Variants in MBNL2 observed in about 807,000 individuals in gnomAD.
The protein encoded by MBNL2 is muscleblind-like protein 2.
Under a neutral mutation model 41.9 loss-of-function variants are expected in MBNL2, and 17 were observed. The ratio of observed to expected loss-of-function variants is 0.41; its 90% CI spans 0.28 to 0.61. The LOEUF (loss-of-function observed/expected upper bound fraction) is 0.61. Among genes scored for constraint, MBNL2 ranks in the 20% least tolerant of loss-of-function variants. The pLI, the probability that MBNL2 is intolerant of heterozygous loss-of-function variation, is 0.35. For missense variants in MBNL2, 336 were observed against 505.6 expected, an observed-to-expected ratio of 0.66 and a Z score of 3.22; for synonymous variants, 195 against 182.9, an observed-to-expected ratio of 1.07 and a Z score of -0.53.
chr13:97,284,634 T>G (rs57959870), intron 2 of MBNL2, among the ~76,000 whole-genome samples: 4,731 of 152,274 alleles, frequency 0.031, 229 homozygotes, highest in African/African-American at 0.11. Context: ...ATTCAACCCA[T>G]TAATATAATA....
intron 1 of MBNL2, among the ~76,000 whole-genome samples, chr13:97,253,683 C>A (rs183816752): frequency 6.6e-5 from 10 of 152,136 alleles, no homozygotes; most frequent in African/African-American, 9.6e-5. Context: ...ATAAAAAATT[C>A]TTTAGTTAAT....
intron 1 of MBNL2, among the ~76,000 whole-genome samples, chr13:97,249,118 G>A (rs1044571888): frequency 3.3e-5 from 5 of 152,186 alleles, no homozygotes; most frequent in Non-Finnish European, 7.3e-5. Context: ...TTGGACAGCA[G>A]ACTGTGATAT....
intron 1 of MBNL2, among the ~76,000 whole-genome samples, chr13:97,249,860 T>C (rs1487901773): frequency 1.3e-5 from 2 of 152,258 alleles, no homozygotes; most frequent in Non-Finnish European, 2.9e-5. Context: ...TTTGCTGTTT[T>C]ATGCTGCAAA....
the MBNL2 span, among the ~76,000 whole-genome samples, chr13:97,160,635 T>C: frequency 6.6e-6 from 1 of 152,136 alleles, no homozygotes; most frequent in Non-Finnish European, 1.5e-5. Context: ...TTCAGTTACA[T>C]GGCTACTCAT....
the MBNL2 span, among the ~76,000 whole-genome samples, chr13:97,142,133 T>C: frequency 5.2e-4 from 79 of 152,336 alleles, no homozygotes; most frequent in South Asian, 3.9e-3. Flanking sequence ...GGTTTCTCTA[T>C]CAATTAAATT....
At chr13:97,348,912 G>GGGATA (rs1170149654) in intron 5 of MBNL2, among the ~76,000 whole-genome samples, 4 of 152,188 alleles carry the variant, frequency 2.6e-5, no homozygotes, top group African/African-American at 9.7e-5. Flanking sequence ...ATCAGTGATA[G>GGGATA]GGATACAGCG....
In MBNL2 at chr13:97,238,629, G is replaced by A. The variant is rs185981614; in HGVS notation, c.-605+16098G>A. Among the ~76,000 whole-genome samples, 244 of 152,302 alleles carry A rather than the reference G, an allele frequency of 1.6e-3. 2 individuals carry two copies. Among genetic ancestry groups the A allele is most frequent in the Middle Eastern group, 6.8e-3 (2 of 294 alleles). ...AAGTCCCTTTTTGGAAGAGTGCTGCGTGGGCTGCTGAACTGCAAGGCACCA... is the reference window on the plus strand; with the variant it reads ...AAGTCCCTTTTTGGAAGAGTGCTGCATGGGCTGCTGAACTGCAAGGCACCA... On this transcript the variant is annotated intron_variant, in intron 1 of 8. Transcript: ENST00000679496.
At chr13:97,238,268 C>A (rs997327966) in intron 1 of MBNL2, among the ~76,000 whole-genome samples, 1 of 152,120 alleles carries the variant, frequency 6.6e-6, no homozygotes, top group Non-Finnish European at 1.5e-5. Flanking sequence ...AAATGGTAGA[C>A]GACACAGGCT....
At chr13:97,159,043 A>T in the MBNL2 span, among the ~76,000 whole-genome samples, 1 of 151,408 alleles carries the variant, frequency 6.6e-6, no homozygotes, top group African/African-American at 2.4e-5. Flanking sequence ...GTCTCTTTGT[A>T]GGTCACTCAG....
the MBNL2 span, among the ~76,000 whole-genome samples, chr13:97,212,401 GA>G: frequency 6.6e-6 from 1 of 152,094 alleles, no homozygotes; most frequent in Non-Finnish European, 1.5e-5. Context: ...CCCCACAGTA[GA>G]AGCCACAGCT....
In MBNL2 at chr13:97,357,529, T is replaced by C; in HGVS notation, c.906T>C (p.Leu302=). 1 of 1,614,090 alleles carries C rather than the reference T, an allele frequency of 6.2e-7. No individual in the cohort carries two copies. Among genetic ancestry groups the C allele is most frequent in the Non-Finnish European group, 8.5e-7 (1 of 1,179,986 alleles). The change falls in exon 7 of 9, where the codon CTT becomes CTC. Residue 302 remains leucine, a synonymous_variant. Transcript: ENST00000679496. ...ATCCTTTACCAAAGAGACAAGCACTTGAAAAAAGCAATGGTACCAGCGCGG... is the reference window on the plus strand; with the variant it reads ...ATCCTTTACCAAAGAGACAAGCACTCGAAAAAAGCAATGGTACCAGCGCGG... The part of the protein sequence containing the change: ...ALHPLPKRQA[L]EKSNGTSAVF...
At chr13:97,351,339 C>T (rs1352593338) in intron 5 of MBNL2, among the ~76,000 whole-genome samples, 1 of 152,190 alleles carries the variant, frequency 6.6e-6, no homozygotes, top group Non-Finnish European at 1.5e-5. Context: ...CTAGAATTTT[C>T]AGAATGGTAA....
chr13:97,234,666 A>G lies in MBNL2; in HGVS notation c.-605+12135A>G, dbSNP rs2042957849. Among the ~76,000 whole-genome samples, 3 of 152,226 alleles carry G rather than the reference A, an allele frequency of 2.0e-5. No individual in the cohort carries two copies. In the South Asian group the frequency reaches 6.2e-4, roughly 32 times the overall value. On this transcript the variant is annotated intron_variant, in intron 1 of 8. Transcript: ENST00000679496. ...ACACTGGCTTGCAAAATTACCCACA[A>G]GGACAATAGACTGATGGATCGAGAT...
chr13:97,151,916 A>G, the MBNL2 span, among the ~76,000 whole-genome samples: 5 of 152,216 alleles, frequency 3.3e-5, no homozygotes, highest in African/African-American at 1.2e-4. Context: ...AGTATATTTC[A>G]TCTAACAACA....
At chr13:97,211,398 C>T in the MBNL2 span, among the ~76,000 whole-genome samples, 1 of 152,174 alleles carries the variant, frequency 6.6e-6, no homozygotes, top group East Asian at 1.9e-4. Context: ...GGCAAAGCTG[C>T]AGCAAAAACT....
chr13:97,175,056 A>G, the MBNL2 span, among the ~76,000 whole-genome samples: 1 of 152,202 alleles, frequency 6.6e-6, no homozygotes, highest in East Asian at 1.9e-4. Context: ...GCATAGGAGC[A>G]TTGAGGCCAT....
At chr13:97,144,423 CTTTTTTT>C in the MBNL2 span, among the ~76,000 whole-genome samples, 2,579 of 118,010 alleles carry the variant, frequency 0.022, 58 homozygotes, top group Middle Eastern at 0.043. Context: ...CATGATACTT[CTTTTTTT>C]TTTTTTTTTT....
chr13:97,162,160 G>C, the MBNL2 span, among the ~76,000 whole-genome samples: 816 of 152,226 alleles, frequency 5.4e-3, 7 homozygotes, highest in African/African-American at 0.018. Context: ...ACTCTCACGA[G>C]AATAGCACCA....
chr13:97,161,764 G>C, the MBNL2 span, among the ~76,000 whole-genome samples: 1 of 152,178 alleles, frequency 6.6e-6, no homozygotes, highest in Non-Finnish European at 1.5e-5. Flanking sequence ...ATGAGTGCTT[G>C]CCATGTCTTC....
Sources: gnomAD v4.1 joint callset for allele counts (sites outside exome capture counted in the v4.1 genomes callset) on GRCh38, gnomAD v4.1.1 for gene constraint, MANE v1.5 for transcripts, NCBI Gene and HGNC (gene_info 2026-07-23, HGNC 2026-07-21) for gene names.